The following ATP11A variants were observed in gnomAD, a reference collection of about 807,000 sequenced individuals.
ATP11A encodes phospholipid-transporting ATPase IH.
Under a neutral mutation model 154.4 loss-of-function variants are expected in ATP11A, and 81 were observed. That is an observed-to-expected ratio of 0.52 (90% CI 0.44 to 0.63). The LOEUF is 0.63. ATP11A is among the 30% of genes least tolerant of loss of function. The pLI is 0.00. For missense variants in ATP11A, 1,316 were observed against 1,474.3 expected (o/e 0.89, Z 1.76); for synonymous variants, 623 against 585.9 (o/e 1.06, Z -0.91).
chr13:112,773,636 C>G (rs2077277659), intron 1 of ATP11A, among the ~76,000 whole-genome samples: 2 of 152,236 alleles, frequency 1.3e-5, no homozygotes, highest in Admixed American at 1.3e-4. Flanking sequence ...TCTGCAGAAA[C>G]AGCTTTTTCC....
In ATP11A at chr13:112,859,646, G is replaced by A. The variant is rs1003428505; in HGVS notation, c.2727+194G>A. Among the ~76,000 whole-genome samples the A allele has an allele frequency of 7.9e-5, 12 of 152,174 alleles. No homozygotes were observed. The highest frequency in any genetic ancestry group is 3.3e-4 in the Admixed American group (5 of 15,284). On this transcript the variant is annotated intron_variant, in intron 23 of 29. Coordinates refer to ENST00000375645, the MANE Select transcript of ATP11A (RefSeq NM_015205.3). The surrounding 1 kb of genome is among the most constrained non-coding windows in gnomAD (Gnocchi z 4.3). ...GGGGCCACGGAGCTGAGGAGTTGCC[G>A]TCCTGGAGGCCCCTTGTTCCATGTC...
At chr13:112,804,934 A>ATGTT in intron 2 of ATP11A, 23 bp from the exon 3 acceptor site, 1 of 1,458,424 alleles carries the variant, frequency 6.9e-7, no homozygotes, top group South Asian at 1.2e-5. Context: ...TCAATGATGG[A>ATGTT]TGTTTGTTTT....
chr13:112,690,510 GC>G lies in ATP11A; in HGVS notation c.39+59del. ...CCGGGGACCAGACAGACGCGGGCCGGCCCCGCAGCCCGGACCCTGTGGCCGG... is the reference window on the plus strand; with the variant it reads ...CCGGGGACCAGACAGACGCGGGCCGGCCCGCAGCCCGGACCCTGTGGCCGG... On this transcript the variant is annotated intron_variant, in intron 1 of 29. Coordinates refer to ENST00000375645, the MANE Select transcript of ATP11A (RefSeq NM_015205.3). The surrounding 1 kb of genome is among the most constrained non-coding windows in gnomAD (Gnocchi z 5.6). 7.9e-7 allele frequency: 1 copy of G among 1,268,560 alleles called. No individual in the cohort carries two copies. The allele number at this position is 1,268,560 out of a possible 1,614,324, so 78.6% of individuals were successfully genotyped here.
At position 112,722,077 on chromosome 13, in the gene ATP11A, C is replaced by T. The variant is rs556988431; in HGVS notation, c.39+31622C>T. Among the ~76,000 whole-genome samples, 42 of 152,220 alleles carry T rather than the reference C, an allele frequency of 2.8e-4. 1 individual carries two copies. The South Asian group carries it at 8.7e-3, about 32-fold the overall frequency. On this transcript the variant is annotated intron_variant, in intron 1 of 29. Transcript: ENST00000375645. ...CTGTATCAGTGAAGGGTCCAACTCA[C>T]AATATTTGAGGAGATTTATTCTGAG...
At chr13:112,698,491 C>G (rs1003384244) in intron 1 of ATP11A, among the ~76,000 whole-genome samples, 1 of 152,302 alleles carries the variant, frequency 6.6e-6, no homozygotes, top group East Asian at 1.9e-4. Context: ...AGCCAGAGAG[C>G]TTTCTCCTTA....
At chr13:112,722,315 G>A (rs1418366480) in intron 1 of ATP11A, among the ~76,000 whole-genome samples, 1 of 151,420 alleles carries the variant, frequency 6.6e-6, no homozygotes, top group African/African-American at 2.4e-5. Context: ...CGGGGAGAGG[G>A]GGGCGGCCAG....
chr13:112,805,823 C>G (rs1049333512), intron 3 of ATP11A, among the ~76,000 whole-genome samples: 5 of 152,012 alleles, frequency 3.3e-5, no homozygotes, highest in Non-Finnish European at 7.4e-5. Flanking sequence ...GTTTTAAGAA[C>G]AGCACTCTAA....
Position 112,875,880 on chromosome 13 carries a change from C to T in ATP11A, c.3266C>T (p.Pro1089Leu). 1 of 1,613,802 alleles carries T rather than the reference C, an allele frequency of 6.2e-7. No individual in the cohort carries two copies. The highest frequency in any genetic ancestry group is 8.5e-7 in the Non-Finnish European group (1 of 1,180,040). Reference sequence around the variant, plus strand: ...CTGCTGGTGACCATCAGCCTCCTTCCCGACGTCCTCAAGAAAGTCCTGTGC... The same window carrying T: ...CTGCTGGTGACCATCAGCCTCCTTCTCGACGTCCTCAAGAAAGTCCTGTGC... ...IVLLVTISLLPDVLKKVLCRQ... is the reference protein window; with the variant it reads ...IVLLVTISLLLDVLKKVLCRQ... Residue 1089 changes from proline (P) to leucine (L), a missense_variant, in exon 28 of 30, where the codon CCC becomes CTC. Physicochemically the swap from Pro to Leu is moderately conservative, Grantham distance 98 (BLOSUM62 -3). Around this residue, in one of 5 missense-constraint regions of ATP11A, gnomAD observed 294 missense variants for 290.2 expected, o/e 1.01. Coordinates refer to ENST00000375645, the MANE Select transcript of ATP11A (RefSeq NM_015205.3). The surrounding 1 kb of genome is among the most constrained non-coding windows in gnomAD (Gnocchi z 4.1).
intron 25 of ATP11A, among the ~76,000 whole-genome samples, chr13:112,864,853 T>A: frequency 1.4e-5 from 1 of 69,696 alleles, no homozygotes. Flanking sequence ...CCCAGCGGGA[T>A]CCATCACCAC....
At chr13:112,843,998 C>T (rs1163658337) in intron 17 of ATP11A, among the ~76,000 whole-genome samples, 2 of 152,190 alleles carry the variant, frequency 1.3e-5, no homozygotes, top group South Asian at 2.1e-4. Context: ...GGGAGCCGAG[C>T]GGGTTCCTCT....
At chr13:112,874,322 C>A (rs991237789) in intron 27 of ATP11A, among the ~76,000 whole-genome samples, 7 of 152,202 alleles carry the variant, frequency 4.6e-5, no homozygotes, top group Admixed American at 3.3e-4. Context: ...CCTCCTGGAC[C>A]GCCGGCCGTG....
intron 18 of ATP11A, among the ~76,000 whole-genome samples, chr13:112,852,293 C>T (rs960704850): frequency 2.6e-5 from 4 of 152,220 alleles, no homozygotes; most frequent in East Asian, 1.9e-4. Context: ...AGATCCATTT[C>T]GGTCCAAAAC....
chr13:112,825,636 GA>G, intron 11 of ATP11A, 56 bp downstream of exon 11: 1 of 1,518,776 alleles, frequency 6.6e-7, no homozygotes, highest in African/African-American at 1.4e-5. Context: ...CCATTATTAC[GA>G]AAATGTGGTG....
Position 112,804,963 on chromosome 13 carries a change from T to C in ATP11A, c.169T>C (p.Phe57Leu). 6.2e-7 allele frequency: 1 copy of C among 1,602,308 alleles called. No individual in the cohort carries two copies. The highest frequency in any genetic ancestry group is 8.5e-7 in the Non-Finnish European group (1 of 1,172,442). ...DNRIVSSKYT[F>L]WNFIPKNLFE... Reference sequence around the variant, plus strand: ...TTGTTTTTCTTTTATGCAGTACACATTTTGGAACTTTATACCCAAGAATTT... The same window carrying C: ...TTGTTTTTCTTTTATGCAGTACACACTTTGGAACTTTATACCCAAGAATTT... The change falls in exon 3 of 30, where the codon TTT becomes CTT. Residue 57 changes from phenylalanine (F) to leucine (L), a missense_variant. By Grantham distance (22) the Phe-to-Leu change is conservative. Transcript: ENST00000375645.
chr13:112,884,789 G>T lies in ATP11A; in HGVS notation c.*2923G>T, dbSNP rs1251367877. The T allele has an allele frequency of 6.6e-6, 1 of 151,822 alleles. No homozygotes were observed. The highest frequency in any genetic ancestry group is 1.5e-5 in the Non-Finnish European group (1 of 68,014). The allele number at this position is 151,822 out of a possible 1,614,324, so 9.4% of individuals were successfully genotyped here. A position where few individuals can be genotyped will look rare whatever the true frequency, so the allele number is the denominator to read the frequency against. ...CGTCTCAGACACGCACAGTGGGCCT[G>T]CTGCATGATTCACACCCAGTCCCTG... On this transcript the variant is annotated 3_prime_UTR_variant, in exon 30 of 30. Coordinates refer to ENST00000375645, the MANE Select transcript of ATP11A (RefSeq NM_015205.3).
At chr13:112,706,701 A>G (rs1403867483) in intron 1 of ATP11A, among the ~76,000 whole-genome samples, 1 of 152,172 alleles carries the variant, frequency 6.6e-6, no homozygotes, top group African/African-American at 2.4e-5. Context: ...ATACAATGAG[A>G]ATTTTTTTTG....
At chr13:112,819,051 T>A (rs1435973234) in intron 6 of ATP11A, among the ~76,000 whole-genome samples, 2 of 152,250 alleles carry the variant, frequency 1.3e-5, no homozygotes, top group African/African-American at 4.8e-5. Context: ...GTGTCTACCC[T>A]TGAAGAATTC....
chr13:112,782,771 C>T lies in ATP11A; in HGVS notation c.40-2364C>T, dbSNP rs568645100. Among the ~76,000 whole-genome samples the T allele has an allele frequency of 1.2e-4, 18 of 152,322 alleles. No individual in the cohort carries two copies. In the South Asian group the frequency reaches 3.7e-3, roughly 32 times the overall value. ...CTGTGCTGCCCACCTGGCTTTGAGT[C>T]CAGGATGACGGTTACTGCATGGCCA... On this transcript the variant is annotated intron_variant, in intron 1 of 29. Coordinates refer to ENST00000375645, the MANE Select transcript of ATP11A (RefSeq NM_015205.3).
intron 6 of ATP11A, among the ~76,000 whole-genome samples, 179 bp from the exon 7 acceptor site, chr13:112,819,125 A>G (rs1225211669): frequency 6.6e-6 from 1 of 152,204 alleles, no homozygotes; most frequent in Non-Finnish European, 1.5e-5. Flanking sequence ...GAAGGATGAG[A>G]ATTTTCTGGC....
Sources: gnomAD v4.1 joint callset for allele counts (sites outside exome capture counted in the v4.1 genomes callset) on GRCh38, gnomAD v4.1.1 for gene constraint, gnomAD v4.1.1 regional missense constraint, Gnocchi (gnomAD v3.1) non-coding constraint, MANE v1.5 for transcripts, NCBI Gene and HGNC (gene_info 2026-07-23, HGNC 2026-07-21) for gene names.